Variants in P2RY8 observed in about 807,000 individuals in gnomAD.
P2RY8 encodes the protein P2Y receptor family member 8, also known as S-geranylgeranyl-glutathione receptor P2RY8.
A neutral mutation model predicts 10.0 loss-of-function variants in P2RY8; 6 were observed. The observed-to-expected ratio is 0.60, with a 90% CI of 0.33 to 1.19. The LOEUF is 1.19. Among genes scored for constraint, P2RY8 ranks in the 50% most tolerant of loss-of-function variants. The probability of loss-of-function intolerance (pLI) is 0.04; values close to 1 mark genes in which losing one functional copy is unlikely to be tolerated. For missense variants in P2RY8, 456 were observed against 542.0 expected (o/e 0.84, Z 1.58); for synonymous variants, 276 against 252.5 (o/e 1.09, Z -0.88).
At chrX:1,485,450 C>T (rs1365296323) in intron 1 of P2RY8, among the ~76,000 whole-genome samples, 1 of 151,878 alleles carries the variant, frequency 6.6e-6, no homozygotes, top group Non-Finnish European at 1.5e-5. Flanking sequence ...CTTAATGATG[C>T]CTTACTGTAA....
chrX:1,466,028 G>T lies in P2RY8; in HGVS notation c.531C>A (p.Asp177Glu). The T allele has an allele frequency of 1.2e-6, 2 of 1,611,918 alleles. No homozygotes were observed. Among genetic ancestry groups the T allele is most frequent in the Non-Finnish European group, 1.7e-6 (2 of 1,179,768 alleles). ...VHALGIITCF[D>E]VLKWTMLPSV... ...TGGGGAGCATCGTCCACTTGAGGAC[G>T]TCGAAGCAGGTGATGATGCCCAGGG... Residue 177 changes from aspartate (D) to glutamate (E), a missense_variant, in exon 2 of 2, where the codon GAC becomes GAA. Transcript: ENST00000381297.
chrX:1,500,995 A>G (rs2092173338), intron 1 of P2RY8, among the ~76,000 whole-genome samples: 1 of 152,186 alleles, frequency 6.6e-6, no homozygotes, highest in Non-Finnish European at 1.5e-5. Context: ...TGTCTGGCCC[A>G]GGGTGGCCTG....
intron 1 of P2RY8, among the ~76,000 whole-genome samples, chrX:1,467,381 G>C (rs1311436763): frequency 6.6e-6 from 1 of 152,180 alleles, no homozygotes; most frequent in Non-Finnish European, 1.5e-5. Context: ...TTCAGTTTCA[G>C]GGAGAAGTTT....
intron 1 of P2RY8, among the ~76,000 whole-genome samples, chrX:1,522,922 A>G (rs1408343062): frequency 5.9e-5 from 9 of 151,480 alleles, no homozygotes; most frequent in Non-Finnish European, 1.2e-4. Context: ...TACAAACATT[A>G]GCTGGGCATG....
chrX:1,471,288 G>A (rs1486234524), intron 1 of P2RY8, among the ~76,000 whole-genome samples: 12 of 144,160 alleles, frequency 8.3e-5, no homozygotes, highest in East Asian at 2.0e-4. Context: ...GACTACAGAC[G>A]TGAGCCACCG....
intron 1 of P2RY8, among the ~76,000 whole-genome samples, chrX:1,497,069 A>C (rs1310864523): frequency 2.7e-5 from 4 of 150,084 alleles, no homozygotes; most frequent in Non-Finnish European, 5.9e-5. Context: ...AAATACAAAA[A>C]TTAGCCAGGC....
intron 1 of P2RY8, among the ~76,000 whole-genome samples, chrX:1,468,193 C>T (rs2091719032): frequency 6.6e-6 from 1 of 152,220 alleles, no homozygotes; most frequent in African/African-American, 2.4e-5. Flanking sequence ...CTGCCTCGGC[C>T]TCCCAAAGCA....
chrX:1,500,340 C>G (rs1447975547), intron 1 of P2RY8, among the ~76,000 whole-genome samples: 2 of 151,960 alleles, frequency 1.3e-5, no homozygotes, highest in African/African-American at 4.8e-5. Context: ...TGCATTGGCA[C>G]AATCATGGCT....
chrX:1,492,068 C>G (rs1361042936), intron 1 of P2RY8, among the ~76,000 whole-genome samples: 1 of 152,164 alleles, frequency 6.6e-6, no homozygotes, highest in Non-Finnish European at 1.5e-5. Context: ...ACCCAGCACC[C>G]CTCGCCCCTG....
chrX:1,522,390 T>G (rs1277300208), intron 1 of P2RY8, among the ~76,000 whole-genome samples: 2 of 152,194 alleles, frequency 1.3e-5, no homozygotes, highest in African/African-American at 4.8e-5. Context: ...CAGAATATTT[T>G]CCTCACCTCC....
intron 1 of P2RY8, among the ~76,000 whole-genome samples, chrX:1,511,375 T>A (rs1170658978): frequency 6.6e-6 from 1 of 152,182 alleles, no homozygotes; most frequent in Non-Finnish European, 1.5e-5. Flanking sequence ...AATACAAGTA[T>A]GCTTGGTCAT....
chrX:1,532,485 G>GA (rs1232722791), intron 1 of P2RY8, among the ~76,000 whole-genome samples: 4 of 11,512 alleles, frequency 3.5e-4, no homozygotes, highest in Admixed American at 1.1e-3. Context: ...AGATGTATAT[G>GA]TGTATATATA....
Position 1,537,117 on chromosome X carries a change from T to C in P2RY8, c.-221A>G, listed in dbSNP as rs1211935057. The C allele has an allele frequency of 8.6e-6, 2 of 232,654 alleles. No individual in the cohort carries two copies. The highest frequency in any genetic ancestry group is 5.6e-5 in the Admixed American group (1 of 17,754). The allele number at this position is 232,654 out of a possible 1,614,324, so 14.4% of individuals were successfully genotyped here. ...AGACGGCTGCCCTTCCAGTTCCATC[T>C]GTCCAGCAACCTTGCAAAGGCGGCC... On this transcript the variant is annotated 5_prime_UTR_variant, in exon 1 of 2. Transcript: ENST00000381297.
intron 1 of P2RY8, among the ~76,000 whole-genome samples, chrX:1,500,504 G>T (rs1178918572): frequency 5.3e-5 from 8 of 151,924 alleles, no homozygotes; most frequent in Non-Finnish European, 1.0e-4. Context: ...GAGTGCAGTG[G>T]TGTGATCTCG....
intron 1 of P2RY8, among the ~76,000 whole-genome samples, chrX:1,468,968 C>T (rs150252492): frequency 0.16 from 89 of 540 alleles, 7 homozygotes; most frequent in Admixed American, 0.2. Flanking sequence ...CTCCCCTCTC[C>T]CCTCTCCCCT....
intron 1 of P2RY8, among the ~76,000 whole-genome samples, chrX:1,478,929 G>A (rs1381151214): frequency 6.6e-6 from 1 of 152,068 alleles, no homozygotes; most frequent in Non-Finnish European, 1.5e-5. Context: ...CCACTGAACT[G>A]CAACTTATCC....
chrX:1,517,979 C>G (rs112255790), intron 1 of P2RY8, among the ~76,000 whole-genome samples: 11 of 150,866 alleles, frequency 7.3e-5, no homozygotes, highest in Admixed American at 4.0e-4. Flanking sequence ...CGTGGTGGTG[C>G]GCACCTGTAA....
At position 1,508,385 on chromosome X, in the gene P2RY8, G is replaced by A. The variant is rs759048363; in HGVS notation, c.-25+28536C>T. Among the ~76,000 whole-genome samples, 16 of 152,226 alleles carry A rather than the reference G, an allele frequency of 1.1e-4. No homozygotes were observed. The East Asian group carries it at 1.7e-3, about 17-fold the overall frequency. Reference sequence around the variant, plus strand: ...CTGGTGGGTGCAGCCCAGGGACACCGTTCAACACACTACACTGCACGGGAC... The same window carrying A: ...CTGGTGGGTGCAGCCCAGGGACACCATTCAACACACTACACTGCACGGGAC... On this transcript the variant is annotated intron_variant, in intron 1 of 1. Coordinates refer to ENST00000381297, the MANE Select transcript of P2RY8 (RefSeq NM_178129.5).
intron 1 of P2RY8, among the ~76,000 whole-genome samples, chrX:1,511,023 CA>C (rs1213095037): frequency 4.0e-5 from 6 of 151,088 alleles, no homozygotes; most frequent in Non-Finnish European, 7.4e-5. Flanking sequence ...CTAAAAAATA[CA>C]AAAAAATTAG....
Sources: allele counts gnomAD v4.1 joint callset (sites outside exome capture counted in the v4.1 genomes callset), GRCh38; gene constraint gnomAD v4.1.1; transcripts MANE v1.5; gene names NCBI Gene and HGNC (gene_info 2026-07-23, HGNC 2026-07-21).